Variants in TBC1D2B observed in about 807,000 individuals in gnomAD.
TBC1D2B encodes the protein TBC1 domain family, member 2B.
TBC1D2B carries 64 observed loss-of-function variants against 100.8 expected under a neutral mutation model. The observed-to-expected ratio is 0.64, with a 90% CI of 0.52 to 0.78. The LOEUF is 0.78. Among genes scored for constraint, TBC1D2B ranks in the 30% least tolerant of loss-of-function variants. TBC1D2B has a pLI of 0.00. For missense variants in TBC1D2B, 1,052 were observed against 1,218.4 expected, an observed-to-expected ratio of 0.86 and a Z score of 2.03; for synonymous variants, 480 against 479.7, an observed-to-expected ratio of 1.00 and a Z score of -0.01.
intron 3 of TBC1D2B, among the ~76,000 whole-genome samples, chr15:78,031,987 T>TA (rs1339840129): frequency 6.6e-6 from 1 of 152,092 alleles, no homozygotes; most frequent in Non-Finnish European, 1.5e-5. Flanking sequence ...GATGAGAAGA[T>TA]AGAGTGGAGA....
rs182572666 is a variant in TBC1D2B at position 78,063,160 on chromosome 15, C to T, written c.361-8973G>A. ...GTGTTAAGCTCAGAAGAGTATTTGG[C>T]ACAAAGTACTCGTGTATCAACTGTC... is the stretch of plus-strand genomic sequence containing the variant. On this transcript the variant is annotated intron_variant, in intron 1 of 12. Coordinates refer to ENST00000300584, the MANE Select transcript of TBC1D2B (RefSeq NM_144572.2). Among the ~76,000 whole-genome samples the T allele has an allele frequency of 2.6e-4, 39 of 152,276 alleles. No homozygotes were observed. The South Asian group carries it at 4.4e-3, about 17-fold the overall frequency.
chr15:78,044,565 G>A (rs2073156442), intron 3 of TBC1D2B, among the ~76,000 whole-genome samples: 1 of 152,226 alleles, frequency 6.6e-6, no homozygotes, highest in Non-Finnish European at 1.5e-5. Context: ...GGCACAAGAA[G>A]CCCCAGCTCT....
chr15:77,996,626 G>A lies in TBC1D2B; in HGVS notation c.*1534C>T, dbSNP rs2071766857. 1 of 152,354 alleles carries A rather than the reference G, an allele frequency of 6.6e-6. No individual in the cohort carries two copies. The highest frequency in any genetic ancestry group is 2.1e-4 in the South Asian group (1 of 4,826). The allele number at this position is 152,354 out of a possible 1,614,324, so 9.4% of individuals were successfully genotyped here. Reference sequence around the variant, plus strand: ...TACCCAGTGAAACATTAGTGGAGTTGGTTAAAGACACGAAGCCGGAGCTCA... The same window carrying A: ...TACCCAGTGAAACATTAGTGGAGTTAGTTAAAGACACGAAGCCGGAGCTCA... On this transcript the variant is annotated 3_prime_UTR_variant, in exon 13 of 13. Transcript: ENST00000300584.
chr15:78,032,731 T>C (rs1331126236), intron 3 of TBC1D2B, among the ~76,000 whole-genome samples: 1 of 151,186 alleles, frequency 6.6e-6, no homozygotes. Flanking sequence ...ATGAAAAACA[T>C]GCTAAATGGG....
At chr15:78,031,955 G>C (rs1450379381) in intron 3 of TBC1D2B, among the ~76,000 whole-genome samples, 1 of 152,190 alleles carries the variant, frequency 6.6e-6, no homozygotes, top group Admixed American at 6.5e-5. Context: ...GAAAACCCAG[G>C]AGGAGCCCAG....
intron 10 of TBC1D2B, among the ~76,000 whole-genome samples, chr15:78,005,227 T>C (rs1337770262): frequency 1.3e-5 from 2 of 152,188 alleles, no homozygotes; most frequent in Admixed American, 6.5e-5. Flanking sequence ...CTCTGGCCTC[T>C]GTTCAAGCTC....
chr15:78,010,761 T>A (rs1297620461), intron 9 of TBC1D2B, among the ~76,000 whole-genome samples: 1 of 152,164 alleles, frequency 6.6e-6, no homozygotes, highest in African/African-American at 2.4e-5. Flanking sequence ...AAGGCTACAG[T>A]TGTCCTTCTA....
chr15:77,996,322 C>T lies in TBC1D2B; in HGVS notation c.*1838G>A, dbSNP rs1287724866. On this transcript the variant is annotated 3_prime_UTR_variant, in exon 13 of 13. Transcript: ENST00000300584. Reference sequence around the variant, plus strand: ...GTGTGTGCTGGCATGTTCCAGGGGCCATTGGCTCGGAAAGTAAAACCTCAG... The same window carrying T: ...GTGTGTGCTGGCATGTTCCAGGGGCTATTGGCTCGGAAAGTAAAACCTCAG... The T allele has an allele frequency of 6.6e-6, 1 of 152,170 alleles. No homozygotes were observed. Among genetic ancestry groups the T allele is most frequent in the African/African-American group, 2.4e-5 (1 of 41,410 alleles). The allele number at this position is 152,170 out of a possible 1,614,324, so 9.4% of individuals were successfully genotyped here. A position where few individuals can be genotyped will look rare whatever the true frequency, so the allele number is the denominator to read the frequency against.
Position 77,996,797 on chromosome 15 carries a change from C to T in TBC1D2B, c.*1363G>A, listed in dbSNP as rs981603255. On this transcript the variant is annotated 3_prime_UTR_variant, in exon 13 of 13. Transcript: ENST00000300584. Reference sequence around the variant, plus strand: ...ACAAAGGATGATTTCCAGTTTTTTTCGGGTAATATGAAACATTCCACTGAG... The same window carrying T: ...ACAAAGGATGATTTCCAGTTTTTTTTGGGTAATATGAAACATTCCACTGAG... The T allele has an allele frequency of 3.9e-5, 6 of 152,148 alleles. No individual in the cohort carries two copies. Among genetic ancestry groups the T allele is most frequent in the African/African-American group, 1.2e-4 (5 of 41,436 alleles). 9.4% of individuals were successfully genotyped at this position (152,148 alleles called of 1,614,324 possible). A position where few individuals can be genotyped will look rare whatever the true frequency, so the allele number is the denominator to read the frequency against.
In TBC1D2B at chr15:78,069,488, G is replaced by A. The variant is rs1596332190; in HGVS notation, c.360+7805C>T. On this transcript the variant is annotated intron_variant, in intron 1 of 12. Transcript: ENST00000300584. Reference sequence around the variant, plus strand: ...TACATCAACCCTTTGTACCCAACACGATAATCCTCTAACTTAGTTACATAA... The same window carrying A: ...TACATCAACCCTTTGTACCCAACACAATAATCCTCTAACTTAGTTACATAA... 5.3e-5 allele frequency among the ~76,000 whole-genome samples: 8 copies of A among 152,314 alleles called. No homozygotes were observed. In the South Asian group the frequency reaches 1.2e-3, roughly 24 times the overall value.
chr15:78,072,174 C>T (rs2073751586), intron 1 of TBC1D2B, among the ~76,000 whole-genome samples: 1 of 152,126 alleles, frequency 6.6e-6, no homozygotes, highest in Non-Finnish European at 1.5e-5. Context: ...CTCCTTTGTG[C>T]CAGATACTGT....
At chr15:78,041,478 G>T (rs2073093653) in intron 3 of TBC1D2B, among the ~76,000 whole-genome samples, 1 of 152,184 alleles carries the variant, frequency 6.6e-6, no homozygotes, top group South Asian at 2.1e-4. Context: ...AGCTAGTTAA[G>T]AGAGTTTCAA....
At chr15:78,059,248 G>A (rs956005913) in intron 1 of TBC1D2B, among the ~76,000 whole-genome samples, 1 of 152,244 alleles carries the variant, frequency 6.6e-6, no homozygotes, top group Non-Finnish European at 1.5e-5. Flanking sequence ...CTTAAAGGCA[G>A]AGACCAGACC....
chr15:78,073,292 A>G (rs187218836), intron 1 of TBC1D2B, among the ~76,000 whole-genome samples: 7 of 152,364 alleles, frequency 4.6e-5, no homozygotes, highest in African/African-American at 1.7e-4. Flanking sequence ...ATAGAAAAAC[A>G]TTTTGAAAAA....
At chr15:78,030,319 T>G in intron 3 of TBC1D2B, 149 bp from the exon 4 acceptor site, 2 of 632,986 alleles carry the variant, frequency 3.2e-6, no homozygotes. Context: ...TTTTTTTTTT[T>G]GAAATGGAGT....
chr15:78,059,028 T>C (rs2073485381), intron 1 of TBC1D2B, among the ~76,000 whole-genome samples: 1 of 151,728 alleles, frequency 6.6e-6, no homozygotes, highest in African/African-American at 2.4e-5. Context: ...GGTGTGCATT[T>C]TGTCTCCCCT....
Position 78,077,392 on chromosome 15 carries a change from G to C in TBC1D2B, c.261C>G (p.Ala87=). 5.8e-6 allele frequency: 9 copies of C among 1,545,158 alleles called. No individual in the cohort carries two copies. Among genetic ancestry groups the C allele is most frequent in the Non-Finnish European group, 7.9e-6 (9 of 1,145,038 alleles). ...LPLGHLDIAD[A]CFSYQGPDEA... is the part of the protein sequence containing the mutation. ...CGTCGGGGCCCTGGTAGCTGAAGCA[G>C]GCGTCCGCGATGTCCAAGTGGCCGA... The change falls in exon 1 of 13, where the codon GCC becomes GCG. Residue 87 remains alanine (A), a synonymous_variant. Transcript: ENST00000300584.
chr15:78,019,248 G>A (rs1596312051), intron 6 of TBC1D2B, among the ~76,000 whole-genome samples: 1 of 152,294 alleles, frequency 6.6e-6, no homozygotes, highest in African/African-American at 2.4e-5. Flanking sequence ...ATGGGTTACA[G>A]GTGCCCCGTG....
chr15:78,036,150 T>A (rs897196229), intron 3 of TBC1D2B, among the ~76,000 whole-genome samples: 3 of 152,234 alleles, frequency 2.0e-5, no homozygotes, highest in African/African-American at 7.2e-5. Context: ...GGTGCAGACA[T>A]AAGTACCTTC....
Sources: gnomAD v4.1 joint callset for allele counts (sites outside exome capture counted in the v4.1 genomes callset) on GRCh38, gnomAD v4.1.1 for gene constraint, MANE v1.5 for transcripts, NCBI Gene and HGNC (gene_info 2026-07-23, HGNC 2026-07-21) for gene names.